The following GALNT17 variants were observed in gnomAD, a reference collection of about 807,000 sequenced individuals.
The protein encoded by GALNT17 is polypeptide N-acetylgalactosaminyltransferase 17.
A neutral mutation model predicts 63.7 loss-of-function variants in GALNT17; 29 were observed. That is an observed-to-expected ratio of 0.46 (90% CI 0.34 to 0.62). The LOEUF is 0.62. Ranked by LOEUF, GALNT17 falls within the 20% of genes least tolerant of loss-of-function variation. The pLI is 0.01. For missense variants in GALNT17, 603 were observed against 799.6 expected (o/e 0.75, Z 2.97); for synonymous variants, 305 against 318.3 (o/e 0.96, Z 0.45).
At chr7:71,622,839 A>G (rs919605697) in intron 6 of GALNT17, among the ~76,000 whole-genome samples, 1 of 152,174 alleles carries the variant, frequency 6.6e-6, no homozygotes, top group Non-Finnish European at 1.5e-5. Flanking sequence ...GCTCTTGGTA[A>G]TGTTTAGAAT....
At chr7:71,136,187 G>A (rs533252503) in intron 1 of GALNT17, among the ~76,000 whole-genome samples, 11 of 152,242 alleles carry the variant, frequency 7.2e-5, no homozygotes, top group African/African-American at 2.4e-4. Flanking sequence ...AGGCTGCTCC[G>A]AGAAGGCAAA....
intron 3 of GALNT17, among the ~76,000 whole-genome samples, chr7:71,400,424 C>T (rs1456488562): frequency 3.9e-5 from 6 of 152,092 alleles, no homozygotes; most frequent in African/African-American, 1.4e-4. Context: ...AGGCATTTCT[C>T]TCAACTTTTG....
Position 71,712,089 on chromosome 7 carries a change from C to A in GALNT17, c.1740C>A (p.Asp580Glu), listed in dbSNP as rs771158030. 1 of 1,614,094 alleles carries A rather than the reference C, an allele frequency of 6.2e-7. No individual in the cohort carries two copies. The highest frequency in any genetic ancestry group is 1.1e-5 in the South Asian group (1 of 91,082). The change falls in exon 11 of 11, where the codon GAC becomes GAA. Residue 580 changes from aspartate (D) to glutamate (E), a missense_variant. Transcript: ENST00000333538. ...AGAACCGGGGCCTGGCTGGCATCGACCTCATCCTCCGCAGCTGCACAGGTC... is the reference window on the plus strand; with the variant it reads ...AGAACCGGGGCCTGGCTGGCATCGAACTCATCCTCCGCAGCTGCACAGGTC... Reference protein sequence around the residue: ...EVENRGLAGIDLILRSCTGQR... With the variant: ...EVENRGLAGIELILRSCTGQR...
At chr7:71,181,498 T>A (rs182434618) in intron 1 of GALNT17, among the ~76,000 whole-genome samples, 1 of 152,240 alleles carries the variant, frequency 6.6e-6, no homozygotes, top group Admixed American at 6.5e-5. Flanking sequence ...ACAAATTAGC[T>A]GGTGATGAGA....
intron 6 of GALNT17, among the ~76,000 whole-genome samples, chr7:71,647,173 T>G (rs980019655): frequency 6.6e-6 from 1 of 151,502 alleles, no homozygotes; most frequent in Non-Finnish European, 1.5e-5. Context: ...CAAGTGATTC[T>G]CCTGCCTCAG....
intron 1 of GALNT17, among the ~76,000 whole-genome samples, chr7:71,144,895 A>AT (rs796453206): frequency 1.2e-4 from 19 of 152,044 alleles, no homozygotes; most frequent in South Asian, 1.2e-3. Flanking sequence ...TGCCAGGCTA[A>AT]TTTTTTGTAT....
intron 1 of GALNT17, among the ~76,000 whole-genome samples, chr7:71,285,541 T>C: frequency 6.6e-6 from 1 of 152,196 alleles, no homozygotes; most frequent in East Asian, 1.9e-4. Context: ...TTCCCAAAAT[T>C]CATATGTTGA....
In GALNT17 at chr7:71,373,443, G is replaced by A. The variant is rs1408783405; in HGVS notation, c.423-14792G>A. On this transcript the variant is annotated intron_variant, in intron 2 of 10. Transcript: ENST00000333538. ...ACCATGCCTCTTGTCTGCCAGGACCGAGTCTCTATACCGGGGGTCCCCAGA... is the reference window on the plus strand; with the variant it reads ...ACCATGCCTCTTGTCTGCCAGGACCAAGTCTCTATACCGGGGGTCCCCAGA... 3.9e-5 allele frequency among the ~76,000 whole-genome samples: 6 copies of A among 152,268 alleles called. No homozygotes were observed. The East Asian group carries it at 9.7e-4, about 25-fold the overall frequency.
At chr7:71,401,210 C>T (rs983710331) in intron 3 of GALNT17, among the ~76,000 whole-genome samples, 2 of 151,806 alleles carry the variant, frequency 1.3e-5, no homozygotes, top group African/African-American at 4.8e-5. Context: ...GATTCTCCTG[C>T]CTCAGCCTCC....
chr7:71,508,941 C>T (rs12113449), intron 5 of GALNT17, among the ~76,000 whole-genome samples: 2,841 of 152,206 alleles, frequency 0.019, 91 homozygotes, highest in African/African-American at 0.065. Context: ...TGTGTGTATG[C>T]GTGTGCATGC....
intron 5 of GALNT17, among the ~76,000 whole-genome samples, chr7:71,435,768 C>T (rs547292150): frequency 6.6e-6 from 1 of 152,250 alleles, no homozygotes; most frequent in South Asian, 2.1e-4. Flanking sequence ...GCCTGTAATC[C>T]CAGCACTTTG....
intron 1 of GALNT17, among the ~76,000 whole-genome samples, chr7:71,190,868 T>C (rs1922521): frequency 0.11 from 17,080 of 152,044 alleles, 1,095 homozygotes; most frequent in Middle Eastern, 0.16. Flanking sequence ...TGGGCTCAAA[T>C]GATCTGCCTG....
intron 1 of GALNT17, among the ~76,000 whole-genome samples, chr7:71,198,737 A>G (rs1452380822): frequency 9.9e-5 from 15 of 152,158 alleles, no homozygotes; most frequent in Admixed American, 9.8e-4. Context: ...AATCAAAGCA[A>G]TTTTCACTTC....
intron 1 of GALNT17, among the ~76,000 whole-genome samples, chr7:71,216,503 G>A (rs1388585937): frequency 6.6e-6 from 1 of 151,726 alleles, no homozygotes; most frequent in Admixed American, 6.6e-5. Flanking sequence ...ACCTCCTAGG[G>A]GGTAATGTGC....
intron 6 of GALNT17, among the ~76,000 whole-genome samples, chr7:71,657,464 C>T (rs1356180506): frequency 6.6e-6 from 1 of 152,148 alleles, no homozygotes; most frequent in Non-Finnish European, 1.5e-5. Flanking sequence ...ATGGCTTGGC[C>T]TCCTCTTTCC....
chr7:71,397,571 C>T (rs1213902349), intron 3 of GALNT17, among the ~76,000 whole-genome samples: 1 of 152,138 alleles, frequency 6.6e-6, no homozygotes, highest in Non-Finnish European at 1.5e-5. Context: ...AAATGAGGTA[C>T]ATTTGCAGGA....
At chr7:71,481,198 G>A (rs1563124601) in intron 5 of GALNT17, among the ~76,000 whole-genome samples, 1 of 152,190 alleles carries the variant, frequency 6.6e-6, no homozygotes, top group African/African-American at 2.4e-5. Context: ...TGTAATCCCA[G>A]TACTTTGGGA....
At chr7:71,305,699 TA>T (rs1270117822) in intron 1 of GALNT17, among the ~76,000 whole-genome samples, 3 of 152,164 alleles carry the variant, frequency 2.0e-5, no homozygotes. Context: ...AAGGACTTAC[TA>T]GGTTGGCGAC....
At chr7:71,237,226 C>T (rs1342231729) in intron 1 of GALNT17, among the ~76,000 whole-genome samples, 15 of 152,134 alleles carry the variant, frequency 9.9e-5, no homozygotes, top group Admixed American at 3.9e-4. Context: ...GGCATTCCCC[C>T]GGCAAGTTCG....
Sources: allele counts gnomAD v4.1 joint callset (sites outside exome capture counted in the v4.1 genomes callset), GRCh38; gene constraint gnomAD v4.1.1; transcripts MANE v1.5; gene names NCBI Gene and HGNC (gene_info 2026-07-23, HGNC 2026-07-21).